Variants in BLTP1 observed in about 807,000 individuals in gnomAD.
The protein encoded by BLTP1 is fragile site-associated protein.
At chr4:122,284,630 C>T in the BLTP1 span, among the ~76,000 whole-genome samples, 5 of 152,002 alleles carry the variant, frequency 3.3e-5, no homozygotes, top group African/African-American at 9.7e-5. Context: ...TGTCTCTTCA[C>T]GTTTCAGTTA....
the BLTP1 span, chr4:122,272,046 A>C: frequency 7.7e-7 from 1 of 1,295,534 alleles, no homozygotes; most frequent in Non-Finnish European, 1.1e-6. Context: ...GGGGATTAGG[A>C]GAAAGAGGAC....
the BLTP1 span, chr4:122,248,947 A>C: frequency 1.6e-5 from 5 of 313,456 alleles, no homozygotes; most frequent in African/African-American, 9.0e-5. Flanking sequence ...AGAGAAATGA[A>C]AAAAGTAAGA....
At chr4:122,327,695 C>T in the BLTP1 span, among the ~76,000 whole-genome samples, 15 of 151,004 alleles carry the variant, frequency 9.9e-5, no homozygotes, top group Non-Finnish European at 1.5e-5. Context: ...AAAAGATCCA[C>T]AAAAAGCATC....
the BLTP1 span, among the ~76,000 whole-genome samples, chr4:122,191,270 AT>A: frequency 7.4e-3 from 1,090 of 147,088 alleles, 9 homozygotes; most frequent in African/African-American, 0.021. Context: ...CACTAATTGC[AT>A]TTTTTTTTTT....
At chr4:122,257,273 T>C in the BLTP1 span, 1 of 1,613,678 alleles carries the variant, frequency 6.2e-7, no homozygotes, top group Non-Finnish European at 8.5e-7. Flanking sequence ...ACTTCCTGCT[T>C]TGGTAACTTT....
At chr4:122,241,662 A>T in the BLTP1 span, among the ~76,000 whole-genome samples, 1 of 152,204 alleles carries the variant, frequency 6.6e-6, no homozygotes, top group African/African-American at 2.4e-5. Context: ...AACATTAGTG[A>T]AAGTTGCAAA....
At chr4:122,276,062 G>T in the BLTP1 span, 1 of 1,481,856 alleles carries the variant, frequency 6.7e-7, no homozygotes, top group Non-Finnish European at 9.1e-7. Flanking sequence ...TGTAATTACT[G>T]TAGTATTGAA....
At chr4:122,344,141 T>C in the BLTP1 span, 1 of 412,338 alleles carries the variant, frequency 2.4e-6, no homozygotes, top group Non-Finnish European at 3.3e-6. Context: ...CCACGTCAAT[T>C]CTAGTTTCTA....
At chr4:122,343,843 C>A in the BLTP1 span, 13 of 577,254 alleles carry the variant, frequency 2.3e-5, no homozygotes, top group African/African-American at 2.4e-4. Context: ...GCGGTATACA[C>A]AGCACAGTAA....
At chr4:122,152,460 C>T in the BLTP1 span, 1 of 985,568 alleles carries the variant, frequency 1.0e-6, no homozygotes, top group Non-Finnish European at 1.2e-6. Flanking sequence ...TGGGCACCGG[C>T]AGAGCTTCGC....
chr4:122,223,900 C>T, the BLTP1 span: 1 of 595,242 alleles, frequency 1.7e-6, no homozygotes, highest in East Asian at 1.4e-4. Context: ...AACTAGTGTT[C>T]CATGAAATAA....
chr4:122,326,092 T>C, the BLTP1 span, among the ~76,000 whole-genome samples: 1 of 151,688 alleles, frequency 6.6e-6, no homozygotes, highest in African/African-American at 2.4e-5. Flanking sequence ...GTCTTGGTTT[T>C]TACTTCTGTG....
At chr4:122,246,845 T>A in the BLTP1 span, 2 of 1,598,006 alleles carry the variant, frequency 1.3e-6, no homozygotes, top group Admixed American at 3.4e-5. Context: ...GCCATGATTA[T>A]CTTGCTGGAT....
the BLTP1 span, among the ~76,000 whole-genome samples, chr4:122,297,357 C>T: frequency 6.6e-6 from 1 of 152,140 alleles, no homozygotes; most frequent in Non-Finnish European, 1.5e-5. Flanking sequence ...CAATTAGATA[C>T]TATCTCACAC....
chr4:122,293,826 G>A, the BLTP1 span, among the ~76,000 whole-genome samples: 1 of 152,170 alleles, frequency 6.6e-6, no homozygotes, highest in Admixed American at 6.5e-5. Flanking sequence ...TGCCTGAGAC[G>A]GCCCCTGGGA....
At chr4:122,220,970 T>G in the BLTP1 span, 1 of 430,452 alleles carries the variant, frequency 2.3e-6, no homozygotes, top group African/African-American at 2.2e-5. Flanking sequence ...CAAGTGAGAA[T>G]TTGAAAATGT....
the BLTP1 span, among the ~76,000 whole-genome samples, chr4:122,288,325 C>T: frequency 6.6e-6 from 1 of 152,098 alleles, no homozygotes; most frequent in East Asian, 1.9e-4. Context: ...TTCATAGCTG[C>T]ATCCTTAGCA....
At chr4:122,229,211 G>A in the BLTP1 span, 13 of 1,609,890 alleles carry the variant, frequency 8.1e-6, 1 homozygote, top group South Asian at 1.4e-4. Flanking sequence ...TATTTACATT[G>A]TTGAGCATGG....
chr4:122,169,106 C>T, the BLTP1 span, among the ~76,000 whole-genome samples: 1 of 152,088 alleles, frequency 6.6e-6, no homozygotes, highest in East Asian at 1.9e-4. Flanking sequence ...CACCACCATG[C>T]CTGGCTAGTT....
Sources: gnomAD v4.1 joint callset for allele counts (sites outside exome capture counted in the v4.1 genomes callset) on GRCh38, gnomAD v4.1.1 for gene constraint, MANE v1.5 for transcripts, NCBI Gene and HGNC (gene_info 2026-07-23, HGNC 2026-07-21) for gene names.